The following KLHL4 variants were observed in gnomAD, a reference collection of about 807,000 sequenced individuals.
The protein encoded by KLHL4 is kelch like family member 4.
KLHL4 carries 17 observed loss-of-function variants against 45.8 expected under a neutral mutation model. The ratio of observed to expected loss-of-function variants is 0.37; its 90% CI spans 0.25 to 0.56. The LOEUF (loss-of-function observed/expected upper bound fraction) is 0.56. Ranked by LOEUF, KLHL4 falls within the 20% of genes least tolerant of loss-of-function variation. The pLI is 0.79. For synonymous variants in KLHL4, 224 were observed against 189.9 expected, an observed-to-expected ratio of 1.18 and a Z score of -1.47; for missense variants, 544 against 544.9, an observed-to-expected ratio of 1.00 and a Z score of 0.02.
In KLHL4 at chrX:87,524,389, C is replaced by G. The variant is rs531701280; in HGVS notation, c.422+6074C>G. On this transcript the variant is annotated intron_variant, in intron 1 of 10. Coordinates refer to ENST00000373119, the MANE Select transcript of KLHL4 (RefSeq NM_019117.5). Reference sequence around the variant, plus strand: ...ATAAATAAGCACAATTATTAACTGTCAATTAAACATTTTAAACATTAAAAT... The same window carrying G: ...ATAAATAAGCACAATTATTAACTGTGAATTAAACATTTTAAACATTAAAAT... 5.4e-5 allele frequency among the ~76,000 whole-genome samples: 6 copies of G among 111,794 alleles called. No homozygotes were observed. In the South Asian group the frequency reaches 1.1e-3, roughly 21 times the overall value.
At chrX:87,542,814 G>A (rs1281356946) in intron 1 of KLHL4, among the ~76,000 whole-genome samples, 1 of 111,888 alleles carries the variant, frequency 8.9e-6, no homozygotes, top group Admixed American at 9.5e-5. Context: ...TTGGGGGACT[G>A]TTGGGAAGGC....
intron 10 of KLHL4, among the ~76,000 whole-genome samples, chrX:87,665,518 A>G (rs1464806651): frequency 5.4e-5 from 6 of 111,838 alleles, no homozygotes; most frequent in Admixed American, 1.9e-4. Context: ...CTAATTTCAA[A>G]GAGAGTACAA....
chrX:87,543,160 A>G (rs946323559), intron 1 of KLHL4, among the ~76,000 whole-genome samples: 1 of 111,576 alleles, frequency 9.0e-6, no homozygotes, highest in African/African-American at 3.3e-5. Context: ...ATTTGGATCT[A>G]TGAGTCGATT....
At chrX:87,545,098 G>T (rs1305572456) in intron 1 of KLHL4, among the ~76,000 whole-genome samples, 2 of 112,418 alleles carry the variant, frequency 1.8e-5, no homozygotes, top group African/African-American at 6.5e-5. Context: ...AAATTTAGCA[G>T]ATATTAAAAG....
chrX:87,530,271 C>CTT (rs1335567538), intron 1 of KLHL4, among the ~76,000 whole-genome samples: 1 of 102,024 alleles, frequency 9.8e-6, no homozygotes, highest in Non-Finnish European at 2.0e-5. Flanking sequence ...ACATTTAAGT[C>CTT]TTTTTTTTTT....
At chrX:87,658,614 C>T (rs771245861) in intron 9 of KLHL4, among the ~76,000 whole-genome samples, 2 of 111,442 alleles carry the variant, frequency 1.8e-5, no homozygotes, top group Non-Finnish European at 3.8e-5. Flanking sequence ...GACTCACTCT[C>T]AATTTTCCAC....
At chrX:87,633,541 C>G (rs1923166034) in intron 7 of KLHL4, among the ~76,000 whole-genome samples, 1 of 111,675 alleles carries the variant, frequency 9.0e-6, no homozygotes. Context: ...TAGTACCCTT[C>G]TATGATATAG....
rs960893093 is a variant in KLHL4 at position 87,532,074 on chromosome X, G to A, written c.422+13759G>A. Among the ~76,000 whole-genome samples the A allele has an allele frequency of 1.5e-4, 16 of 110,098 alleles. No homozygotes were observed. In the South Asian group the frequency reaches 2.4e-3, roughly 17 times the overall value. On this transcript the variant is annotated intron_variant, in intron 1 of 10. Transcript: ENST00000373119. ...AGCTGGAGGCATCACACTACCTGAC[G>A]TTTAAGTCTTTAATCCATCTTGAAT...
At chrX:87,593,598 A>T (rs181034511) in intron 1 of KLHL4, among the ~76,000 whole-genome samples, 177 of 111,145 alleles carry the variant, frequency 1.6e-3, no homozygotes, top group African/African-American at 5.6e-3. Context: ...GGCATCATTC[A>T]TCTAGTTTCT....
At chrX:87,547,058 G>A (rs1387280451) in intron 1 of KLHL4, among the ~76,000 whole-genome samples, 1 of 111,749 alleles carries the variant, frequency 8.9e-6, no homozygotes, top group African/African-American at 3.3e-5. Flanking sequence ...GTTAACGCTG[G>A]AAAGAGTTAA....
intron 9 of KLHL4, among the ~76,000 whole-genome samples, chrX:87,647,011 C>G (rs1426792957): frequency 9.0e-6 from 1 of 111,227 alleles, no homozygotes; most frequent in Non-Finnish European, 1.9e-5. Context: ...AGGACAGAAT[C>G]CACAAGGAAC....
At chrX:87,587,963 TA>T (rs756005071) in intron 1 of KLHL4, among the ~76,000 whole-genome samples, 2 of 111,349 alleles carry the variant, frequency 1.8e-5, no homozygotes, top group African/African-American at 6.5e-5. Flanking sequence ...ACTTGCAGGA[TA>T]AAAAATCAAC....
intron 1 of KLHL4, among the ~76,000 whole-genome samples, chrX:87,603,401 G>T (rs1247190737): frequency 9.0e-6 from 1 of 111,182 alleles, no homozygotes; most frequent in Non-Finnish European, 1.9e-5. Flanking sequence ...CTACAGGAAT[G>T]TTGATAAATA....
At chrX:87,523,919 C>T (rs949436449) in intron 1 of KLHL4, among the ~76,000 whole-genome samples, 9 of 110,774 alleles carry the variant, frequency 8.1e-5, no homozygotes, top group East Asian at 5.7e-4. Context: ...GCCGAGATTG[C>T]GCCACTACAC....
At chrX:87,566,351 A>C (rs1932211857) in intron 1 of KLHL4, among the ~76,000 whole-genome samples, 1 of 111,458 alleles carries the variant, frequency 9.0e-6, no homozygotes, top group Admixed American at 9.5e-5. Context: ...TTGTTCCTAA[A>C]AACAAATGGA....
At chrX:87,666,061 T>C (rs1488163786) in intron 10 of KLHL4, among the ~76,000 whole-genome samples, 1 of 111,893 alleles carries the variant, frequency 8.9e-6, no homozygotes, top group East Asian at 2.8e-4. Flanking sequence ...CTGGATTATA[T>C]TTTTGGCTGT....
At chrX:87,591,493 C>G (rs1364059438) in intron 1 of KLHL4, among the ~76,000 whole-genome samples, 1 of 111,081 alleles carries the variant, frequency 9.0e-6, no homozygotes, top group African/African-American at 3.3e-5. Context: ...TTTTTTTAGT[C>G]AGATTATTTG....
At chrX:87,587,492 A>G (rs939465927) in intron 1 of KLHL4, among the ~76,000 whole-genome samples, 2 of 112,019 alleles carry the variant, frequency 1.8e-5, no homozygotes, top group East Asian at 5.6e-4. Context: ...ATAGTTCAAC[A>G]TATGCAAATT....
At chrX:87,601,688 G>A (rs918242225) in intron 1 of KLHL4, among the ~76,000 whole-genome samples, 1 of 111,267 alleles carries the variant, frequency 9.0e-6, no homozygotes, top group African/African-American at 3.3e-5. Context: ...ATCACCTGAT[G>A]GTCGTCAGAC....
Sources: allele counts gnomAD v4.1 joint callset (sites outside exome capture counted in the v4.1 genomes callset), GRCh38; gene constraint gnomAD v4.1.1; transcripts MANE v1.5; gene names NCBI Gene and HGNC (gene_info 2026-07-23, HGNC 2026-07-21).